Variants in AKAIN1 observed in about 807,000 individuals in gnomAD.
AKAIN1 encodes A-kinase anchor inhibitor 1.
AKAIN1 carries 3 observed loss-of-function variants against 3.7 expected under a neutral mutation model. The ratio of observed to expected loss-of-function variants is 0.82; its 90% CI spans 0.37 to 2.12. The LOEUF (loss-of-function observed/expected upper bound fraction) is 2.12. AKAIN1 is among the 30% of genes most tolerant of loss of function. The pLI is 0.06. For missense variants in AKAIN1, 82 were observed against 82.7 expected, an observed-to-expected ratio of 0.99 and a Z score of 0.03; for synonymous variants, 31 against 30.8, an observed-to-expected ratio of 1.01 and a Z score of -0.02.
At chr18:5,181,732 T>A (rs1172415300) in intron 1 of AKAIN1, among the ~76,000 whole-genome samples, 3 of 152,054 alleles carry the variant, frequency 2.0e-5, no homozygotes, top group Non-Finnish European at 4.4e-5. Context: ...CCCTAGCTAG[T>A]GACTGCATGG....
chr18:5,176,239 G>C (rs28502330), intron 1 of AKAIN1, among the ~76,000 whole-genome samples: 13,844 of 152,178 alleles, frequency 0.091, 786 homozygotes, highest in African/African-American at 0.16. Context: ...AGGAGTTCAA[G>C]ACCAAGCTGG....
chr18:5,197,274 C>A, upstream of AKAIN1: 1 of 1,372,562 alleles, frequency 7.3e-7, no homozygotes, highest in Non-Finnish European at 9.3e-7. The surrounding 1 kb of genome is among the most constrained non-coding windows in gnomAD (Gnocchi z 6.9). Flanking sequence ...ACAGCGGCGG[C>A]GGGAGGAGGA....
chr18:5,197,515 A>AAAAAACTCT, upstream of AKAIN1: 2 of 1,224,562 alleles, frequency 1.6e-6, no homozygotes, highest in Non-Finnish European at 2.0e-6. This position sits in a 1 kb window ranked among gnomAD's most constrained non-coding sequence, Gnocchi z 6.9. Context: ...AAAAAAAAAA[A>AAAAAACTCT]ACTCTAAGAG....
chr18:5,169,123 T>A (rs1328816233), intron 1 of AKAIN1, among the ~76,000 whole-genome samples: 3 of 151,980 alleles, frequency 2.0e-5, no homozygotes, highest in Non-Finnish European at 4.4e-5. Context: ...CAGGGAAGCA[T>A]GTTGGGAAAT....
intron 1 of AKAIN1, among the ~76,000 whole-genome samples, chr18:5,156,643 C>T (rs34084027): frequency 0.052 from 7,860 of 152,276 alleles, 226 homozygotes; most frequent in Non-Finnish European, 0.06. Context: ...ATGATTAATA[C>T]TGTTAATCAC....
At chr18:5,170,469 C>T (rs546539453) in intron 1 of AKAIN1, among the ~76,000 whole-genome samples, 4 of 152,196 alleles carry the variant, frequency 2.6e-5, no homozygotes, top group South Asian at 2.1e-4. Context: ...GTTTAAATAA[C>T]GGGGCATCCC....
At chr18:5,171,561 A>T (rs558259474) in intron 1 of AKAIN1, among the ~76,000 whole-genome samples, 217 of 152,268 alleles carry the variant, frequency 1.4e-3, no homozygotes, top group African/African-American at 5.0e-3. Context: ...AAGAAGACAT[A>T]CAAATTGCAA....
intron 1 of AKAIN1, among the ~76,000 whole-genome samples, chr18:5,148,495 G>A (rs1368679244): frequency 2.0e-5 from 3 of 152,136 alleles, no homozygotes; most frequent in Admixed American, 6.5e-5. Flanking sequence ...TAATTACATG[G>A]CCACGCTTAG....
chr18:5,145,666 G>C lies in AKAIN1; in HGVS notation c.106C>G (p.Gln36Glu). The change falls in exon 2 of 2, where the codon CAA (glutamine) becomes GAA (glutamate). Residue 36 changes from glutamine (Q) to glutamate (E), a missense_variant. Transcript: ENST00000434239. ...VQNAILQAVQ[Q>E]VSQESQRREE... Reference sequence around the variant, plus strand: ...CTGCGCTGACTCTCCTGGGAGACTTGCTGCACAGCTTGCAGGATTGCATTC... The same window carrying C: ...CTGCGCTGACTCTCCTGGGAGACTTCCTGCACAGCTTGCAGGATTGCATTC... 1 of 1,551,604 alleles carries C rather than the reference G, an allele frequency of 6.4e-7. No individual in the cohort carries two copies. Among genetic ancestry groups the C allele is most frequent in the Non-Finnish European group, 8.7e-7 (1 of 1,146,892 alleles).
intron 1 of AKAIN1, among the ~76,000 whole-genome samples, chr18:5,176,860 C>A (rs989601136): frequency 1.3e-5 from 2 of 151,682 alleles, no homozygotes; most frequent in African/African-American, 2.4e-5. Flanking sequence ...CTTGGAAATT[C>A]TAATTCTAAG....
chr18:5,167,053 T>A (rs1178343663), intron 1 of AKAIN1, among the ~76,000 whole-genome samples: 1 of 152,036 alleles, frequency 6.6e-6, no homozygotes, highest in Non-Finnish European at 1.5e-5. Context: ...TTTTCACTCC[T>A]CATACTAAAA....
chr18:5,161,245 C>A (rs1370076188), intron 1 of AKAIN1, among the ~76,000 whole-genome samples: 1 of 151,960 alleles, frequency 6.6e-6, no homozygotes, highest in East Asian at 1.9e-4. Flanking sequence ...ATTATGTTTA[C>A]AAGGTATTGT....
intron 1 of AKAIN1, among the ~76,000 whole-genome samples, chr18:5,153,312 A>G (rs1312089644): frequency 6.6e-6 from 1 of 150,382 alleles, no homozygotes; most frequent in East Asian, 1.9e-4. Flanking sequence ...GGCCAAGAAA[A>G]AGCAAAGTTA....
chr18:5,149,041 A>T (rs1444956738), intron 1 of AKAIN1, among the ~76,000 whole-genome samples: 2 of 152,174 alleles, frequency 1.3e-5, no homozygotes, highest in Non-Finnish European at 2.9e-5. Context: ...TCTGTCTACC[A>T]CTGTACAGTG....
intron 1 of AKAIN1, among the ~76,000 whole-genome samples, chr18:5,167,442 C>T (rs292324): frequency 0.61 from 92,577 of 151,898 alleles, 29,104 homozygotes; most frequent in African/African-American, 0.76. Context: ...GTAGACATGA[C>T]AACAAAATCA....
intron 1 of AKAIN1, among the ~76,000 whole-genome samples, chr18:5,189,978 C>A (rs1438477744): frequency 6.6e-6 from 1 of 152,116 alleles, no homozygotes; most frequent in African/African-American, 2.4e-5. Flanking sequence ...ATACAACAGA[C>A]TTAGTGATTT....
Position 5,144,751 on chromosome 18 carries a change from G to A in AKAIN1, c.*811C>T, listed in dbSNP as rs930733138. ...CCCAAGTGTAAGTCTCTTAATGATA[G>A]GCAGCTGTTGAAGAAATCTACACTT... On this transcript the variant is annotated 3_prime_UTR_variant, in exon 2 of 2. Coordinates refer to ENST00000434239, the MANE Select transcript of AKAIN1 (RefSeq NM_001145194.2). Among the ~76,000 whole-genome samples, 3 of 151,558 alleles carry A rather than the reference G, an allele frequency of 2.0e-5. No homozygotes were observed. The highest frequency in any genetic ancestry group is 7.3e-5 in the African/African-American group (3 of 41,150).
chr18:5,146,468 AT>A (rs2071049852), intron 1 of AKAIN1, among the ~76,000 whole-genome samples: 1 of 152,204 alleles, frequency 6.6e-6, no homozygotes, highest in Non-Finnish European at 1.5e-5. Context: ...TTCAGGTTTT[AT>A]GTTACTTGCA....
At chr18:5,186,943 T>C (rs1279149040) in intron 1 of AKAIN1, among the ~76,000 whole-genome samples, 1 of 152,048 alleles carries the variant, frequency 6.6e-6, no homozygotes, top group African/African-American at 2.4e-5. Flanking sequence ...AAATGATCCA[T>C]GGGACAAAAA....
Sources: gnomAD v4.1 joint callset for allele counts (sites outside exome capture counted in the v4.1 genomes callset) on GRCh38, gnomAD v4.1.1 for gene constraint, Gnocchi (gnomAD v3.1) non-coding constraint, MANE v1.5 for transcripts, NCBI Gene and HGNC (gene_info 2026-07-23, HGNC 2026-07-21) for gene names.